GFPT2: variants seen among roughly 807,000 people sequenced by gnomAD.
GFPT2 encodes glutamine--fructose-6-phosphate aminotransferase [isomerizing] 2.
A neutral mutation model predicts 85.6 loss-of-function variants in GFPT2; 62 were observed. The ratio of observed to expected loss-of-function variants is 0.72; its 90% CI spans 0.59 to 0.90. The LOEUF (loss-of-function observed/expected upper bound fraction) is 0.90. Among genes scored for constraint, GFPT2 ranks in the 40% least tolerant of loss-of-function variants. The pLI, the probability that GFPT2 is intolerant of heterozygous loss-of-function variation, is 0.00. For synonymous variants in GFPT2, 368 were observed against 344.5 expected, an observed-to-expected ratio of 1.07 and a Z score of -0.75; for missense variants, 788 against 893.4, an observed-to-expected ratio of 0.88 and a Z score of 1.50.
At chr5:180,315,460 G>A (rs112374183) in intron 13 of GFPT2, among the ~76,000 whole-genome samples, 3,645 of 152,202 alleles carry the variant, frequency 0.024, 116 homozygotes, top group East Asian at 0.14. Context: ...TTACAGGCGT[G>A]AGCCACCGCG....
At chr5:180,307,403 C>T (rs1448238503) in intron 15 of GFPT2, 100 bp from the exon 16 acceptor site, 10 of 1,179,520 alleles carry the variant, frequency 8.5e-6, no homozygotes, top group East Asian at 4.7e-5. Flanking sequence ...CTTTTGAAAC[C>T]GCATCACTTA....
In GFPT2 at chr5:180,338,561, C is replaced by T; in HGVS notation, c.47G>A (p.Arg16Lys). Residue 16 changes from arginine (R) to lysine (K), a missense_variant, in exon 2 of 19, where the codon AGG becomes AAG. Transcript: ENST00000253778. The part of the protein sequence containing the change: ...AYMNYRVPRT[R>K]KEIFETLIKG... ...GATGAGGGTTTCGAAGATCTCCTTC[C>T]TCGTCCGGGGGACTCTGTAGTTCAT... 6.2e-7 allele frequency: 1 copy of T among 1,612,106 alleles called. No individual in the cohort carries two copies. Among genetic ancestry groups the T allele is most frequent in the African/African-American group, 1.3e-5 (1 of 75,022 alleles).
chr5:180,302,726 G>C (rs919934998), intron 17 of GFPT2, 142 bp from the exon 18 acceptor site: 2 of 617,880 alleles, frequency 3.2e-6, no homozygotes, highest in African/African-American at 3.6e-5. Flanking sequence ...GAGGTGGTAT[G>C]TGTGGGACAC....
At chr5:180,302,168 T>C (rs1763687524) in intron 18 of GFPT2, among the ~76,000 whole-genome samples, 1 of 150,698 alleles carries the variant, frequency 6.6e-6, no homozygotes, top group Non-Finnish European at 1.5e-5. Flanking sequence ...GTGCTTGTAG[T>C]CCCAGCTACT....
rs566246829 is a variant in GFPT2, at chr5:180,353,250, A to AG, written c.-34dup. 280 of 1,239,950 alleles carry AG rather than the reference A, an allele frequency of 2.3e-4. 3 individuals carry two copies. The South Asian group carries it at 8.4e-3, about 37-fold the overall frequency. The allele number at this position is 1,239,950 out of a possible 1,614,324, so 76.8% of individuals were successfully genotyped here. A position where few individuals can be genotyped will look rare whatever the true frequency, so the allele number is the denominator to read the frequency against. On this transcript the variant is annotated 5_prime_UTR_variant, in exon 1 of 19. Coordinates refer to ENST00000253778, the MANE Select transcript of GFPT2 (RefSeq NM_005110.4). ...GCTTCTCGGGCTCCTTCGCGGCTCG[A>AG]GGGGGTCTGCCCGTTCGGACGCTGG...
chr5:180,321,068 T>C (rs962956749), intron 9 of GFPT2, among the ~76,000 whole-genome samples: 1 of 152,234 alleles, frequency 6.6e-6, no homozygotes, highest in African/African-American at 2.4e-5. Flanking sequence ...CTTCGTATGC[T>C]TTGTATAAAA....
At chr5:180,331,301 T>C (rs2127654059) in intron 5 of GFPT2, 194 bp downstream of exon 5, 1 of 591,222 alleles carries the variant, frequency 1.7e-6, no homozygotes, top group Admixed American at 3.2e-5. Flanking sequence ...ACTAATGCCC[T>C]GTTATCTCCT....
intron 15 of GFPT2, among the ~76,000 whole-genome samples, chr5:180,312,217 G>A (rs2127648314): frequency 6.6e-6 from 1 of 151,198 alleles, no homozygotes; most frequent in African/African-American, 2.4e-5. Context: ...GAGGCAGGGA[G>A]GCAGGGAGGC....
At chr5:180,352,844 C>T in intron 1 of GFPT2, 1 of 366,068 alleles carries the variant, frequency 2.7e-6, no homozygotes, top group East Asian at 7.5e-5. Flanking sequence ...TTGTGGGCGA[C>T]TGGGAGACGT....
intron 16 of GFPT2, among the ~76,000 whole-genome samples, chr5:180,305,162 A>G (rs913400507): frequency 6.6e-6 from 1 of 152,082 alleles, no homozygotes; most frequent in Non-Finnish European, 1.5e-5. Flanking sequence ...AGCCCGGGAC[A>G]CAACCTCTGT....
intron 17 of GFPT2, among the ~76,000 whole-genome samples, 164 bp downstream of exon 17, chr5:180,304,608 T>C (rs947775374): frequency 2.6e-5 from 4 of 152,218 alleles, no homozygotes; most frequent in African/African-American, 9.6e-5. Flanking sequence ...GACCAGCTCC[T>C]TTCCAAGTGT....
intron 16 of GFPT2, among the ~76,000 whole-genome samples, chr5:180,305,708 C>G (rs913961210): frequency 3.3e-5 from 5 of 152,206 alleles, no homozygotes; most frequent in Admixed American, 3.3e-4. Flanking sequence ...GTGCATCTCC[C>G]GCCAGCACGT....
chr5:180,340,269 C>T (rs1343057211), intron 1 of GFPT2, among the ~76,000 whole-genome samples: 13 of 152,048 alleles, frequency 8.5e-5, no homozygotes, highest in Admixed American at 5.2e-4. Context: ...TGCAATGGCA[C>T]GATCTTGGCT....
Position 180,333,418 on chromosome 5 carries a change from T to C in GFPT2, c.341-1865A>G, listed in dbSNP as rs1764342939. On this transcript the variant is annotated intron_variant, in intron 4 of 18. Transcript: ENST00000253778. ...CCTGGCTAATTTTTTGTATTTTTAG[T>C]AGAGATGGGGTTTCACCGTGTTAGC... 2.6e-5 allele frequency among the ~76,000 whole-genome samples: 4 copies of C among 151,894 alleles called. No homozygotes were observed. In the South Asian group the frequency reaches 8.3e-4, roughly 32 times the overall value.
At position 180,312,130 on chromosome 5, in the gene GFPT2, GCTGAGGAC is replaced by G. The variant is rs372136618; in HGVS notation, c.1546+292_1546+299del. Among the ~76,000 whole-genome samples the G allele has an allele frequency of 8.4e-5, 7 of 83,512 alleles. 1 individual carries two copies. The highest frequency in any genetic ancestry group is 2.6e-4 in the African/African-American group (6 of 23,068). The allele number at this position is 83,512 out of a possible 152,430, so 54.8% of individuals were successfully genotyped here. On this transcript the variant is annotated intron_variant, in intron 15 of 18. Coordinates refer to ENST00000253778, the MANE Select transcript of GFPT2 (RefSeq NM_005110.4). ...ACCAGGGAGGCAGGGAGGCGGGGAG[GCTGAGGAC>G]CAGGGAGGCAGGGAGGCTGAGGACC...
chr5:180,319,913 A>C (rs975777652), intron 9 of GFPT2, among the ~76,000 whole-genome samples: 3 of 151,188 alleles, frequency 2.0e-5, no homozygotes, highest in Non-Finnish European at 4.4e-5. Context: ...AGTTTCTTAC[A>C]CACACACACA....
intron 15 of GFPT2, among the ~76,000 whole-genome samples, chr5:180,308,106 A>G (rs774509519): frequency 1.3e-5 from 2 of 152,094 alleles, no homozygotes; most frequent in Non-Finnish European, 2.9e-5. Flanking sequence ...AATACAAAAA[A>G]TTAGCCGGGC....
At chr5:180,350,404 T>A (rs115218132) in intron 1 of GFPT2, among the ~76,000 whole-genome samples, 1 of 152,326 alleles carries the variant, frequency 6.6e-6, no homozygotes, top group African/African-American at 2.4e-5. Flanking sequence ...TCTTCCCTGT[T>A]CGGCCAGTAC....
In GFPT2 at chr5:180,302,565, C is replaced by A; in HGVS notation, c.1862G>T (p.Cys621Phe). The part of the protein sequence containing the change: ...TARQGRPIIL[C>F]SKDDTESSKF... ...GGAACTTTCAGTATCGTCCTTGGAG[C>A]ACAGTATAATGGGGCGACCCTAGAG... Residue 621 changes from cysteine (C) to phenylalanine (F), a missense_variant, in exon 18 of 19, where the codon TGC becomes TTC. Physicochemically the swap from Cys to Phe is radical, Grantham distance 205. Transcript: ENST00000253778. 6.2e-7 allele frequency: 1 copy of A among 1,613,854 alleles called. No homozygotes were observed. Among genetic ancestry groups the A allele is most frequent in the Non-Finnish European group, 8.5e-7 (1 of 1,179,780 alleles).
Sources: allele counts gnomAD v4.1 joint callset (sites outside exome capture counted in the v4.1 genomes callset), GRCh38; gene constraint gnomAD v4.1.1; transcripts MANE v1.5; gene names NCBI Gene and HGNC (gene_info 2026-07-23, HGNC 2026-07-21).